The following INTS4 variants were observed in gnomAD, a reference collection of about 807,000 sequenced individuals.
INTS4 encodes MSTP093.
A neutral mutation model predicts 119.5 loss-of-function variants in INTS4; 70 were observed. That is an observed-to-expected ratio of 0.59 (90% CI 0.48 to 0.71). INTS4 has a LOEUF of 0.71. Ranked by LOEUF, INTS4 falls within the 30% of genes least tolerant of loss-of-function variation. INTS4 has a pLI of 0.00. For missense variants in INTS4, 867 were observed against 1,173.2 expected (o/e 0.74, Z 3.81); for synonymous variants, 316 against 419.6 (o/e 0.75, Z 3.02).
chr11:77,905,905 T>C (rs1431594782), intron 16 of INTS4, among the ~76,000 whole-genome samples: 1 of 152,230 alleles, frequency 6.6e-6, no homozygotes, highest in Admixed American at 6.5e-5. Flanking sequence ...ATTAGTAACC[T>C]GAGTGTTTAT....
intron 10 of INTS4, 55 bp from the exon 11 acceptor site, chr11:77,928,602 C>T: frequency 1.3e-6 from 2 of 1,542,810 alleles, no homozygotes; most frequent in Admixed American, 4.0e-5. Context: ...TGGCTCACGC[C>T]TGTAATCCCA....
intron 9 of INTS4, among the ~76,000 whole-genome samples, chr11:77,939,585 G>T (rs1298584104): frequency 6.6e-6 from 1 of 152,146 alleles, no homozygotes; most frequent in Non-Finnish European, 1.5e-5. Context: ...ATACTGGTTA[G>T]TGTATCCAGT....
intron 8 of INTS4, among the ~76,000 whole-genome samples, chr11:77,950,722 G>A (rs907495009): frequency 8.7e-6 from 1 of 115,172 alleles, no homozygotes; most frequent in African/African-American, 3.2e-5. Flanking sequence ...GTCAATTTTT[G>A]TTTGTTTGTT....
intron 10 of INTS4, among the ~76,000 whole-genome samples, chr11:77,936,817 G>A (rs1953803824): frequency 6.6e-6 from 1 of 152,142 alleles, no homozygotes; most frequent in Non-Finnish European, 1.5e-5. Flanking sequence ...GTAAAACAAT[G>A]TCAGTATCCT....
Position 77,918,802 on chromosome 11 carries a change from G to A in INTS4, c.1922+19C>T, listed in dbSNP as rs2136473950. The A allele has an allele frequency of 6.2e-7, 1 of 1,611,446 alleles. No individual in the cohort carries two copies. The highest frequency in any genetic ancestry group is 8.5e-7 in the Non-Finnish European group (1 of 1,178,958). ...TGTAACAGCACTAACTCTGTCAGAT[G>A]AAGGGATGATTACCCTACCTGATGG... On this transcript the variant is annotated intron_variant, in intron 15 of 22. Transcript: ENST00000534064.
chr11:77,969,856 C>G (rs1328342628), intron 4 of INTS4, among the ~76,000 whole-genome samples: 1 of 151,720 alleles, frequency 6.6e-6, no homozygotes, highest in African/African-American at 2.4e-5. Context: ...AACGTACTTT[C>G]TGTCTCTATA....
chr11:77,983,777 G>A (rs1019107592), intron 2 of INTS4, among the ~76,000 whole-genome samples: 6 of 152,162 alleles, frequency 3.9e-5, no homozygotes, highest in East Asian at 3.8e-4. Flanking sequence ...GATGGAAATC[G>A]CTTCTGGGCC....
At chr11:77,950,643 T>A (rs1247036140) in intron 8 of INTS4, among the ~76,000 whole-genome samples, 1 of 152,192 alleles carries the variant, frequency 6.6e-6, no homozygotes, top group African/African-American at 2.4e-5. Context: ...ATACTAACTA[T>A]CCTGATTGGA....
At position 77,903,588 on chromosome 11, in the gene INTS4, G is replaced by A; in HGVS notation, c.2049C>T (p.Ala683=). 6.2e-7 allele frequency: 1 copy of A among 1,613,894 alleles called. No homozygotes were observed. Among genetic ancestry groups the A allele is most frequent in the Non-Finnish European group, 8.5e-7 (1 of 1,179,838 alleles). The change falls in exon 17 of 23, where the codon GCC becomes GCT. Residue 683 remains alanine (A), a synonymous_variant. Transcript: ENST00000534064. ...AATCACTCTGCTTCAAATACAAAGG[G>A]GCAGCTACATTCCACAACTTTTCCT... The part of the protein sequence containing the change: ...ALQEKLWNVA[A]PLYLKQSDLA...
intron 15 of INTS4, 46 bp from the exon 16 acceptor site, chr11:77,907,856 G>T: frequency 8.4e-7 from 1 of 1,183,712 alleles, no homozygotes; most frequent in Non-Finnish European, 1.2e-6. Context: ...TAAGGATAAT[G>T]CCACCAACAT....
chr11:77,897,231 C>T (rs1410774635), intron 18 of INTS4, among the ~76,000 whole-genome samples: 3 of 151,650 alleles, frequency 2.0e-5, no homozygotes, highest in South Asian at 2.1e-4. Context: ...TGGTGGCTCA[C>T]GTCTGTAATC....
chr11:77,882,459 T>C (rs1951831174), intron 22 of INTS4, among the ~76,000 whole-genome samples: 2 of 152,314 alleles, frequency 1.3e-5, no homozygotes, highest in Non-Finnish European at 2.9e-5. Context: ...TTTGCTTTCC[T>C]GAGCCTTGTC....
chr11:77,883,598 G>A (rs970356975), intron 22 of INTS4, among the ~76,000 whole-genome samples: 5 of 152,098 alleles, frequency 3.3e-5, no homozygotes, highest in African/African-American at 1.2e-4. Context: ...ATAATCGCCT[G>A]TATATCTTCC....
chr11:77,975,207 G>C (rs1374056374), intron 4 of INTS4, among the ~76,000 whole-genome samples: 1 of 145,280 alleles, frequency 6.9e-6, no homozygotes, highest in East Asian at 2.0e-4. Flanking sequence ...CCTTATTCTT[G>C]TTTTTTTTTT....
intron 22 of INTS4, 146 bp from the exon 23 acceptor site, chr11:77,879,273 C>T: frequency 1.2e-6 from 1 of 820,972 alleles, no homozygotes; most frequent in Non-Finnish European, 1.9e-6. Flanking sequence ...CCTCACCAAA[C>T]AAAACACTGA....
rs1856219982 is a variant in INTS4, at chr11:77,981,537, A to C, written c.286T>G (p.Leu96Val). The C allele has an allele frequency of 1.3e-6, 2 of 1,586,312 alleles. No individual in the cohort carries two copies. The highest frequency in any genetic ancestry group is 1.7e-6 in the Non-Finnish European group (2 of 1,164,904). Residue 96 changes from leucine (L) to valine (V), a missense_variant, in exon 3 of 23, where the codon TTG (leucine) becomes GTG (valine). Coordinates refer to ENST00000534064, the MANE Select transcript of INTS4 (RefSeq NM_033547.4). ...PSVRLKIASL[L>V]GLLSKTAGFS... ...CCTGCTGTCTTTGATAATAAACCCA[A>C]CAATGATGCAATTTTCAGTCTCACA...
intron 2 of INTS4, among the ~76,000 whole-genome samples, chr11:77,982,010 A>T (rs1425618409): frequency 6.6e-6 from 1 of 152,192 alleles, no homozygotes; most frequent in Non-Finnish European, 1.5e-5. Flanking sequence ...GACACAAGTC[A>T]GAGCAACTTG....
chr11:77,964,677 G>A (rs9630225), intron 4 of INTS4, among the ~76,000 whole-genome samples: 29,916 of 151,390 alleles, frequency 0.2, 2,982 homozygotes, highest in Middle Eastern at 0.24. Flanking sequence ...AGTAAATAAA[G>A]CAGGAGACAA....
At chr11:77,974,026 G>T (rs1380677858) in intron 4 of INTS4, among the ~76,000 whole-genome samples, 1 of 152,020 alleles carries the variant, frequency 6.6e-6, no homozygotes, top group African/African-American at 2.4e-5. Context: ...TTCAATATTT[G>T]GTAGAATTCA....
Sources: allele counts gnomAD v4.1 joint callset (sites outside exome capture counted in the v4.1 genomes callset), GRCh38; gene constraint gnomAD v4.1.1; transcripts MANE v1.5; gene names NCBI Gene and HGNC (gene_info 2026-07-23, HGNC 2026-07-21).